Variants in GCG observed in about 807,000 individuals in gnomAD.
GCG encodes the protein pro-glucagon.
Under a neutral mutation model 22.8 loss-of-function variants are expected in GCG, and 11 were observed. The ratio of observed to expected loss-of-function variants is 0.48; its 90% CI spans 0.30 to 0.80. The LOEUF (loss-of-function observed/expected upper bound fraction) is 0.80, where lower values mean the gene tolerates loss of function less well. Ranked by LOEUF, GCG falls within the 30% of genes least tolerant of loss-of-function variation. The pLI is 0.06. For missense variants in GCG, 222 were observed against 222.0 expected, an observed-to-expected ratio of 1.00 and a Z score of 0.00; for synonymous variants, 89 against 72.4, an observed-to-expected ratio of 1.23 and a Z score of -1.16.
intron 4 of GCG, chr2:162,145,275 C>A: frequency 3.3e-6 from 1 of 306,020 alleles, no homozygotes; most frequent in Non-Finnish European, 5.9e-6. Flanking sequence ...TCAGAGGTGG[C>A]CTGGTTTGGC....
chr2:162,143,767 TTCTA>T (rs751462712), intron 5 of GCG: 55 of 493,964 alleles, frequency 1.1e-4, no homozygotes, highest in Non-Finnish European at 1.5e-4. Context: ...CATGTTTCAT[TTCTA>T]TCTGTGTTTC....
Position 162,144,074 on chromosome 2 carries a change from G to T in GCG, c.489C>A (p.Ala163=). 1 of 1,612,790 alleles carries T rather than the reference G, an allele frequency of 6.2e-7. No individual in the cohort carries two copies. Among genetic ancestry groups the T allele is most frequent in the South Asian group, 1.1e-5 (1 of 91,058 alleles). ...TCAACCAGTTTATAAAGTCCCTGGC[G>T]GCAAGATTATCAAGAATGGTGTTCA... is the stretch of plus-strand genomic sequence containing the variant. ...DEMNTILDNL[A]ARDFINWLIQ... The change falls in exon 5 of 6, where the codon GCC becomes GCA. Residue 163 remains alanine (A), a synonymous_variant. Transcript: ENST00000418842.
Position 162,145,236 on chromosome 2 carries a change from C to T in GCG, c.392+304G>A, listed in dbSNP as rs1362746875. On this transcript the variant is annotated intron_variant, in intron 4 of 5. Transcript: ENST00000418842. ...CAGTCCTAGTTTAAATTTGTCTCAG[C>T]GTAGTTATTAAAAACATCCTATTTA... The T allele has an allele frequency of 4.8e-5, 11 of 228,538 alleles. No homozygotes were observed. The South Asian group carries it at 6.2e-4, about 13-fold the overall frequency. The allele number at this position is 228,538 out of a possible 1,614,324, so 14.2% of individuals were successfully genotyped here. A position where few individuals can be genotyped will look rare whatever the true frequency, so the allele number is the denominator to read the frequency against.
chr2:162,151,756 G>A (rs562983010), intron 1 of GCG, among the ~76,000 whole-genome samples: 4 of 152,202 alleles, frequency 2.6e-5, no homozygotes, highest in Non-Finnish European at 5.9e-5. Context: ...CTCCCTAATG[G>A]ACACATTTCT....
rs761017360 is a variant in GCG at position 162,147,320 on chromosome 2, T to A, written c.254+33A>T. ...ATTTTAGACCTATTTAATACATTTA[T>A]AAGCAAGTTTTGAGCCAGGCTTAGA... is the stretch of plus-strand genomic sequence containing the variant. On this transcript the variant is annotated intron_variant, in intron 3 of 5. Coordinates refer to ENST00000418842, the MANE Select transcript of GCG (RefSeq NM_002054.5). 3.9e-6 allele frequency: 6 copies of A among 1,552,400 alleles called. No individual in the cohort carries two copies. The East Asian group carries it at 1.4e-4, about 35-fold the overall frequency.
At position 162,145,591 on chromosome 2, in the gene GCG, T is replaced by G. The variant is rs1312060573; in HGVS notation, c.341A>C (p.Gln114Pro). Residue 114 changes from glutamine (Q) to proline (P), a missense_variant, in exon 4 of 6, where the codon CAA becomes CCA. Physicochemically the swap from Gln to Pro is moderately conservative, Grantham distance 76. Coordinates refer to ENST00000418842, the MANE Select transcript of GCG (RefSeq NM_002054.5). ...TSDVSSYLEG[Q>P]AAKEFIAWLV... ...CCAAGCAATGAATTCCTTGGCAGCTTGGCCTTCCAAATAAGAACTTACATC... is the reference window on the plus strand; with the variant it reads ...CCAAGCAATGAATTCCTTGGCAGCTGGGCCTTCCAAATAAGAACTTACATC... The G allele has an allele frequency of 6.2e-7, 1 of 1,612,208 alleles. No homozygotes were observed. Among genetic ancestry groups the G allele is most frequent in the Non-Finnish European group, 8.5e-7 (1 of 1,178,896 alleles).
rs553036783 is a variant in GCG at position 162,145,626 on chromosome 2, G to A, written c.306C>T (p.Thr102=). 7.5e-6 allele frequency: 12 copies of A among 1,610,504 alleles called. 1 individual carries two copies. In the South Asian group the frequency reaches 8.8e-5, roughly 12 times the overall value. The change falls in exon 4 of 6, where the codon ACC becomes ACT. Residue 102 remains threonine (T), a synonymous_variant. Coordinates refer to ENST00000418842, the MANE Select transcript of GCG (RefSeq NM_002054.5). ...HDEFERHAEG[T]FTSDVSSYLE... ...AATAAGAACTTACATCACTGGTAAAGGTCCCTTCAGCATGTCTCTCAAATT... is the reference window on the plus strand; with the variant it reads ...AATAAGAACTTACATCACTGGTAAAAGTCCCTTCAGCATGTCTCTCAAATT...
At chr2:162,148,732 A>G (rs1004925724) in intron 2 of GCG, among the ~76,000 whole-genome samples, 7 of 152,116 alleles carry the variant, frequency 4.6e-5, no homozygotes, top group African/African-American at 1.7e-4. Context: ...GGAAGAAATA[A>G]TGCTATTTTT....
intron 2 of GCG, among the ~76,000 whole-genome samples, chr2:162,147,875 C>A (rs1686730983): frequency 6.6e-6 from 1 of 152,068 alleles, no homozygotes; most frequent in African/African-American, 2.4e-5. Context: ...CAAATCATTT[C>A]TTTGGGCAGC....
intron 3 of GCG, 38 bp from the exon 4 acceptor site, chr2:162,145,715 C>T: frequency 1.3e-6 from 2 of 1,592,116 alleles, no homozygotes; most frequent in South Asian, 1.1e-5. Flanking sequence ...AGATCTGTCT[C>T]TTTGGCAATA....
intron 3 of GCG, among the ~76,000 whole-genome samples, chr2:162,146,617 A>G (rs1686693545): frequency 6.6e-6 from 1 of 151,336 alleles, no homozygotes; most frequent in Non-Finnish European, 1.5e-5. Flanking sequence ...CTATCCAGAC[A>G]AATCTATGTC....
rs772779357 is a variant in GCG, at chr2:162,144,040, T to C, written c.523A>G (p.Lys175Glu). 1 of 1,613,114 alleles carries C rather than the reference T, an allele frequency of 6.2e-7. No homozygotes were observed. Among genetic ancestry groups the C allele is most frequent in the Admixed American group, 1.7e-5 (1 of 59,896 alleles). The change falls in exon 5 of 6, where the codon AAA (lysine) becomes GAA (glutamate). Residue 175 changes from lysine to glutamate, a missense_variant. Transcript: ENST00000418842. ...RDFINWLIQT[K>E]ITDRK is the part of the protein sequence containing the mutation. ...AAAAGCAGTCACCTGTCAGTGATTT[T>C]GGTCTGAATCAACCAGTTTATAAAG...
chr2:162,147,047 C>A (rs753554237), intron 3 of GCG, among the ~76,000 whole-genome samples: 4 of 151,982 alleles, frequency 2.6e-5, no homozygotes, highest in Non-Finnish European at 5.9e-5. Flanking sequence ...CCTCGTAGGT[C>A]CACAAAAGTA....
At chr2:162,149,975 A>G (rs1337683294) in intron 1 of GCG, among the ~76,000 whole-genome samples, 2 of 152,176 alleles carry the variant, frequency 1.3e-5, no homozygotes, top group Non-Finnish European at 2.9e-5. Context: ...TTGGACTTAG[A>G]TGAGGACATG....
chr2:162,148,753 A>T (rs1300433720), intron 2 of GCG, among the ~76,000 whole-genome samples: 1 of 152,106 alleles, frequency 6.6e-6, no homozygotes, highest in Non-Finnish European at 1.5e-5. Context: ...TAAAGGAGGA[A>T]AAAAGAGAAA....
chr2:162,144,106 C>A lies in GCG; in HGVS notation c.457G>T (p.Asp153Tyr). The change falls in exon 5 of 6, where the codon GAT becomes TAT. Residue 153 changes from aspartate to tyrosine, a missense_variant. Asp to Tyr is a radical substitution (Grantham distance 160, BLOSUM62 -3). Coordinates refer to ENST00000418842, the MANE Select transcript of GCG (RefSeq NM_002054.5). Reference protein sequence around the residue: ...GRRHADGSFSDEMNTILDNLA... With the variant: ...GRRHADGSFSYEMNTILDNLA... ...TTATCAAGAATGGTGTTCATCTCATCAGAGAAAGAACCATCAGCATGTCTG... is the reference window on the plus strand; with the variant it reads ...TTATCAAGAATGGTGTTCATCTCATAAGAGAAAGAACCATCAGCATGTCTG... The A allele has an allele frequency of 6.2e-7, 1 of 1,611,628 alleles. No homozygotes were observed. Among genetic ancestry groups the A allele is most frequent in the South Asian group, 1.1e-5 (1 of 91,032 alleles).
At chr2:162,151,701 G>A (rs1168603822) in intron 1 of GCG, among the ~76,000 whole-genome samples, 1 of 152,054 alleles carries the variant, frequency 6.6e-6, no homozygotes, top group African/African-American at 2.4e-5. Context: ...TGCTCTTTTG[G>A]AAAACCAGAG....
chr2:162,146,787 G>A (rs985401932), intron 3 of GCG, among the ~76,000 whole-genome samples: 4 of 151,954 alleles, frequency 2.6e-5, no homozygotes, highest in South Asian at 2.1e-4. Context: ...CCCAACACTC[G>A]TCAAAGAAAA....
Position 162,143,250 on chromosome 2 carries a change from T to C in GCG, c.*114A>G. 1 of 456,718 alleles carries C rather than the reference T, an allele frequency of 2.2e-6. No homozygotes were observed. The highest frequency in any genetic ancestry group is 3.9e-6 in the Non-Finnish European group (1 of 254,240). 28.3% of individuals were successfully genotyped at this position (456,718 alleles called of 1,614,324 possible). ...CTAAAAGAAAATTTATTTATTGGCA[T>C]GCAAAGCAATGTGGCCTCAGAATAC... is the stretch of plus-strand genomic sequence containing the variant. On this transcript the variant is annotated 3_prime_UTR_variant, in exon 6 of 6. Transcript: ENST00000418842.
Sources: allele counts gnomAD v4.1 joint callset (sites outside exome capture counted in the v4.1 genomes callset), GRCh38; gene constraint gnomAD v4.1.1; transcripts MANE v1.5; gene names NCBI Gene and HGNC (gene_info 2026-07-23, HGNC 2026-07-21).